The following GRAMD4 variants were observed in gnomAD, a reference collection of about 807,000 sequenced individuals.
The protein encoded by GRAMD4 is GRAM domain containing 4, also known as GRAM domain-containing protein 4.
Under a neutral mutation model 83.9 loss-of-function variants are expected in GRAMD4, and 25 were observed. The observed-to-expected ratio is 0.30, with a 90% CI of 0.22 to 0.42. The LOEUF is 0.42. Ranked by LOEUF, GRAMD4 falls within the 10% of genes least tolerant of loss-of-function variation. GRAMD4 has a pLI of 1.00. For synonymous variants in GRAMD4, 336 were observed against 320.9 expected, an observed-to-expected ratio of 1.05 and a Z score of -0.50; for missense variants, 593 against 788.7, an observed-to-expected ratio of 0.75 and a Z score of 2.97.
upstream of GRAMD4, among the ~76,000 whole-genome samples, chr22:46,617,963 T>G (rs2081526125): frequency 6.6e-6 from 1 of 152,218 alleles, no homozygotes; most frequent in Non-Finnish European, 1.5e-5. Context: ...AGGGACGCTG[T>G]GCTTTGGCAG....
intron 2 of GRAMD4, among the ~76,000 whole-genome samples, chr22:46,636,930 A>T (rs1211940217): frequency 1.3e-5 from 2 of 152,154 alleles, no homozygotes; most frequent in African/African-American, 2.4e-5. Flanking sequence ...AGCAGACAGG[A>T]TGACGAGGCC....
chr22:46,644,525 G>A (rs571756283), intron 3 of GRAMD4, among the ~76,000 whole-genome samples: 6 of 151,684 alleles, frequency 4.0e-5, no homozygotes, highest in African/African-American at 1.2e-4. Flanking sequence ...CCTGTTCCGT[G>A]TTACACCTGT....
At chr22:46,650,546 C>A (rs2082151157) in intron 3 of GRAMD4, among the ~76,000 whole-genome samples, 1 of 152,248 alleles carries the variant, frequency 6.6e-6, no homozygotes, top group South Asian at 2.1e-4. Flanking sequence ...GTTCACTCAT[C>A]AGAGAACGTT....
downstream of GRAMD4, chr22:46,682,264 C>A: frequency 4.5e-6 from 1 of 223,798 alleles, no homozygotes; most frequent in Non-Finnish European, 7.5e-6. Context: ...CATGCCCCTG[C>A]CATCCTCTCT....
rs1031746216 is a variant in GRAMD4 at position 46,678,170 on chromosome 22, G to A, written c.*919G>A. The A allele has an allele frequency of 1.9e-5, 19 of 985,324 alleles. No individual in the cohort carries two copies. The highest frequency in any genetic ancestry group is 3.5e-5 in the African/African-American group (2 of 57,228). 61.0% of individuals were successfully genotyped at this position (985,324 alleles called of 1,614,324 possible). On this transcript the variant is annotated 3_prime_UTR_variant, in exon 19 of 19. Transcript: ENST00000406902. ...GTCTGGCACATGGCCCCCAGGCTGC[G>A]GTTGCCTGGGTTGGTTGGGGGAGGA...
intron 1 of GRAMD4, among the ~76,000 whole-genome samples, chr22:46,596,077 C>T (rs1016083436): frequency 3.5e-4 from 53 of 152,334 alleles, no homozygotes; most frequent in Middle Eastern, 3.4e-3. Context: ...TCTGAGGACA[C>T]GTTGTTGGAA....
At chr22:46,653,556 C>T (rs1319587321) in intron 3 of GRAMD4, among the ~76,000 whole-genome samples, 1 of 152,242 alleles carries the variant, frequency 6.6e-6, no homozygotes, top group Non-Finnish European at 1.5e-5. Flanking sequence ...GGACTGGCCA[C>T]CTTGGCTCAA....
intron 1 of GRAMD4, among the ~76,000 whole-genome samples, chr22:46,577,996 C>T (rs2081061575): frequency 6.6e-6 from 1 of 152,226 alleles, no homozygotes; most frequent in Non-Finnish European, 1.5e-5. Context: ...CCAGTTTGTT[C>T]TCAGCCGGGT....
chr22:46,623,170 A>G (rs1403711524), intron 1 of GRAMD4, among the ~76,000 whole-genome samples: 2 of 152,028 alleles, frequency 1.3e-5, no homozygotes, highest in Non-Finnish European at 2.9e-5. Flanking sequence ...CTTTACAAGG[A>G]CGGGGTCCTG....
chr22:46,677,401 T>C lies in GRAMD4; in HGVS notation c.*150T>C. ...CCTGTGGTTCTATTGTGTTGACCTC[T>C]GCGTTTTATCGACCAAGAAGGGGCC... On this transcript the variant is annotated 3_prime_UTR_variant, in exon 19 of 19. Transcript: ENST00000406902. 7.2e-7 allele frequency: 1 copy of C among 1,381,810 alleles called. No individual in the cohort carries two copies. Among genetic ancestry groups the C allele is most frequent in the Non-Finnish European group, 9.4e-7 (1 of 1,068,146 alleles). The allele number at this position is 1,381,810 out of a possible 1,614,324, so 85.6% of individuals were successfully genotyped here. A position where few individuals can be genotyped will look rare whatever the true frequency, so the allele number is the denominator to read the frequency against.
At chr22:46,680,581 TCC>T (rs2082657305), downstream of GRAMD4, among the ~76,000 whole-genome samples, 1 of 15,396 alleles carries the variant, frequency 6.5e-5, no homozygotes, top group Non-Finnish European at 1.5e-4. Flanking sequence ...CATCCATCCA[TCC>T]ATCCATCCAT....
chr22:46,638,180 G>A (rs2081920168), intron 3 of GRAMD4, among the ~76,000 whole-genome samples: 1 of 152,248 alleles, frequency 6.6e-6, no homozygotes, highest in Non-Finnish European at 1.5e-5. Flanking sequence ...TTGCGGCCCT[G>A]CTAAGCCGGC....
At position 46,621,730 on chromosome 22, in the gene GRAMD4, G is replaced by A. The variant is rs978277349; in HGVS notation, c.-50+1165G>A. On this transcript the variant is annotated intron_variant, in intron 1 of 18. Coordinates refer to ENST00000406902, the MANE Select transcript of GRAMD4 (RefSeq NM_015124.5). The surrounding 1 kb of genome is among the most constrained non-coding windows in gnomAD (Gnocchi z 5.8). The stretch of plus-strand genomic sequence containing the variant: ...GGGCCCGTCCCTGGCGCTGTGTCGC[G>A]GAGGGCACCCCTACCCCGGTGCAGG... Among the ~76,000 whole-genome samples the A allele has an allele frequency of 1.3e-5, 2 of 151,360 alleles. No homozygotes were observed. Among genetic ancestry groups the A allele is most frequent in the South Asian group, 4.1e-4 (2 of 4,822 alleles).
At chr22:46,634,399 A>G (rs1343673788) in intron 2 of GRAMD4, among the ~76,000 whole-genome samples, 2 of 152,230 alleles carry the variant, frequency 1.3e-5, no homozygotes, top group Non-Finnish European at 2.9e-5. Context: ...GAGGAGAAGA[A>G]GAGATAGGTG....
At chr22:46,655,723 G>A (rs1055304381) in intron 3 of GRAMD4, among the ~76,000 whole-genome samples, 2 of 152,168 alleles carry the variant, frequency 1.3e-5, no homozygotes, top group East Asian at 1.9e-4. Context: ...GCCCCAGGCC[G>A]GGCTGGACCC....
In GRAMD4 at chr22:46,668,936, C is replaced by T. The variant is rs373382520; in HGVS notation, c.1084+28C>T. 6.1e-4 allele frequency: 811 copies of T among 1,330,322 alleles called. 3 individuals carry two copies. Among genetic ancestry groups the T allele is most frequent in the Non-Finnish European group, 8.0e-4 (743 of 926,560 alleles). The allele number at this position is 1,330,322 out of a possible 1,614,324, so 82.4% of individuals were successfully genotyped here. ...AAGTAGATGCACCTGCGGCCTGTAG[C>T]TTCAGGAGGAGGGACACAGGTGTCC... On this transcript the variant is annotated intron_variant, in intron 13 of 18. Transcript: ENST00000406902.
downstream of GRAMD4, among the ~76,000 whole-genome samples, chr22:46,680,733 TCCAC>T (rs2082663097): frequency 1.3e-5 from 1 of 77,266 alleles, no homozygotes. Context: ...CACCCATCCA[TCCAC>T]CCACCCATCC....
intron 2 of GRAMD4, among the ~76,000 whole-genome samples, chr22:46,628,253 C>G (rs2081702004): frequency 6.6e-6 from 1 of 152,216 alleles, no homozygotes; most frequent in African/African-American, 2.4e-5. Context: ...TGTCCTGCTC[C>G]AGGTGTTGTC....
At chr22:46,588,084 C>A in intron 1 of GRAMD4, 1 of 351,780 alleles carries the variant, frequency 2.8e-6, no homozygotes, top group Non-Finnish European at 4.0e-6. Context: ...CCTGGTGGAG[C>A]CCCATGGAGC....
Sources: gnomAD v4.1 joint callset for allele counts (sites outside exome capture counted in the v4.1 genomes callset) on GRCh38, gnomAD v4.1.1 for gene constraint, Gnocchi (gnomAD v3.1) non-coding constraint, MANE v1.5 for transcripts, NCBI Gene and HGNC (gene_info 2026-07-23, HGNC 2026-07-21) for gene names.